Variants in HMCN1 observed in about 807,000 individuals in gnomAD.
HMCN1 encodes hemicentin 1, also known as hemicentin-1.
In HMCN1, 321 loss-of-function variants were observed where a neutral mutation model predicts 625.9. The ratio of observed to expected loss-of-function variants is 0.51; its 90% CI spans 0.47 to 0.56. The LOEUF is 0.56. Among genes scored for constraint, HMCN1 ranks in the 20% least tolerant of loss-of-function variants. HMCN1 has a pLI of 0.00. For synonymous variants in HMCN1, 2,425 were observed against 2,417.6 expected (o/e 1.00, Z -0.09); for missense variants, 6,588 against 6,887.3 (o/e 0.96, Z 1.54).
rs540983358 is a variant in HMCN1, at chr1:185,897,214, C to T, written c.622-12123C>T. On this transcript the variant is annotated intron_variant, in intron 4 of 106. Transcript: ENST00000271588. ...TTCTTTACTACTTTTCTTTATTTTA[C>T]ACCTATTCTAACTGCCACATTATTG... 3.5e-3 allele frequency among the ~76,000 whole-genome samples: 540 copies of T among 152,220 alleles called. 8 individuals carry two copies. In the South Asian group the frequency reaches 0.043, roughly 12 times the overall value.
At chr1:186,141,070 G>C (rs938418804) in intron 89 of HMCN1, among the ~76,000 whole-genome samples, 2 of 152,144 alleles carry the variant, frequency 1.3e-5, no homozygotes, top group Non-Finnish European at 2.9e-5. Flanking sequence ...GGGGGACAGT[G>C]ACAGATCATC....
chr1:185,842,341 T>C (rs1661525309), intron 1 of HMCN1, among the ~76,000 whole-genome samples: 3 of 152,066 alleles, frequency 2.0e-5, no homozygotes, highest in Admixed American at 1.3e-4. Flanking sequence ...GGATATTCAG[T>C]CTATTAAAAA....
intron 36 of HMCN1, among the ~76,000 whole-genome samples, chr1:186,023,378 C>T (rs1231662510): frequency 6.6e-6 from 1 of 150,846 alleles, no homozygotes; most frequent in Non-Finnish European, 1.5e-5. Context: ...TACTGGAGCT[C>T]ATAATTAAAT....
intron 1 of HMCN1, among the ~76,000 whole-genome samples, chr1:185,816,904 G>C (rs1227026777): frequency 6.6e-6 from 1 of 152,194 alleles, no homozygotes; most frequent in African/African-American, 2.4e-5. Context: ...CTTCTTTTTG[G>C]TCTATTGCTT....
chr1:185,836,156 GCT>G (rs780364657), intron 1 of HMCN1, among the ~76,000 whole-genome samples: 19 of 152,050 alleles, frequency 1.2e-4, no homozygotes, highest in Non-Finnish European at 2.5e-4. Context: ...ATATTTCTGT[GCT>G]CTTTTTCCAG....
intron 54 of HMCN1, 22 bp downstream of exon 54, chr1:186,076,644 G>A (rs747266551): frequency 2.5e-6 from 4 of 1,604,314 alleles, no homozygotes; most frequent in Middle Eastern, 1.6e-4. Context: ...TACCAACAGG[G>A]TGAAAAGCTG....
chr1:186,043,377 C>A (rs1656338207), intron 40 of HMCN1, among the ~76,000 whole-genome samples: 1 of 152,080 alleles, frequency 6.6e-6, no homozygotes, highest in South Asian at 2.1e-4. Flanking sequence ...ATATCCTTGG[C>A]TATAATTAGA....
chr1:185,997,627 T>G (rs911526951), intron 25 of HMCN1, 103 bp downstream of exon 25: 39 of 809,482 alleles, frequency 4.8e-5, no homozygotes, highest in Non-Finnish European at 7.3e-5. Flanking sequence ...ACATCAATCC[T>G]TGGTAGAACA....
At chr1:185,873,309 C>CCA (rs1396783228) in intron 4 of HMCN1, among the ~76,000 whole-genome samples, 1 of 152,106 alleles carries the variant, frequency 6.6e-6, no homozygotes, top group Non-Finnish European at 1.5e-5. Flanking sequence ...CATTAAAAAT[C>CCA]CACACTGTCT....
At chr1:185,989,758 T>C (rs910169898) in intron 21 of HMCN1, 111 bp downstream of exon 21, 1 of 838,692 alleles carries the variant, frequency 1.2e-6, no homozygotes. Context: ...AGTGAACTGC[T>C]CCCCCAGATT....
intron 13 of HMCN1, among the ~76,000 whole-genome samples, chr1:185,965,588 A>T (rs1650347992): frequency 6.6e-6 from 1 of 151,724 alleles, no homozygotes; most frequent in Non-Finnish European, 1.5e-5. Flanking sequence ...TTTAGTCATT[A>T]TTTTTTTCCT....
chr1:185,865,675 C>G, intron 3 of HMCN1, 66 bp from the exon 4 acceptor site: 1 of 1,355,836 alleles, frequency 7.4e-7, no homozygotes. Context: ...AATAGGTAGT[C>G]AATACACATA....
intron 10 of HMCN1, 23 bp from the exon 11 acceptor site, chr1:185,933,526 T>C (rs1667656859): frequency 6.2e-7 from 1 of 1,613,598 alleles, no homozygotes; most frequent in Non-Finnish European, 8.5e-7. Context: ...GTCTCTTGAT[T>C]TGAATTTTTT....
Position 186,007,216 on chromosome 1 carries a change from C to A in HMCN1, c.4564C>A (p.Arg1522Ser), listed in dbSNP as rs143641249. 1 of 1,613,200 alleles carries A rather than the reference C, an allele frequency of 6.2e-7. No individual in the cohort carries two copies. The highest frequency in any genetic ancestry group is 8.5e-7 in the Non-Finnish European group (1 of 1,179,346). ...GAATGCACGGAGAAATGACAAGGGG[C>A]GCTACCAATGTACTGTGTCTAATGC... ...LKNARRNDKG[R>S]YQCTVSNAAG... Residue 1522 changes from arginine (R) to serine (S), a missense_variant, in exon 30 of 107, where the codon CGC becomes AGC. Arg to Ser is a moderately radical substitution (Grantham distance 110). This residue lies in a region of HMCN1 where 4,628 missense variants were observed against 4,853.1 expected (regional missense o/e 0.95). Transcript: ENST00000271588.
intron 2 of HMCN1, among the ~76,000 whole-genome samples, chr1:185,850,738 G>A (rs565869467): frequency 2.2e-4 from 33 of 151,768 alleles, no homozygotes; most frequent in African/African-American, 7.5e-4. Flanking sequence ...TTTCTCTGTA[G>A]GTTTCCCCTG....
At chr1:185,942,190 CAAA>C (rs541622782) in intron 11 of HMCN1, among the ~76,000 whole-genome samples, 1 of 53,096 alleles carries the variant, frequency 1.9e-5, no homozygotes, top group Non-Finnish European at 4.1e-5. Context: ...GACTCCATCT[CAAA>C]AAAAAAAAAA....
At chr1:185,862,288 G>A (rs964349176) in intron 2 of HMCN1, among the ~76,000 whole-genome samples, 4 of 151,976 alleles carry the variant, frequency 2.6e-5, no homozygotes, top group African/African-American at 7.3e-5. Context: ...TTAAGTGGAA[G>A]GAAAAGCAGA....
chr1:186,106,216 A>G (rs1053154257), intron 69 of HMCN1, among the ~76,000 whole-genome samples: 1 of 152,288 alleles, frequency 6.6e-6, no homozygotes, highest in African/African-American at 2.4e-5. Context: ...TTTCCAGAGT[A>G]CCCTCTACAT....
In HMCN1 at chr1:186,117,062, C is replaced by T. The variant is rs1661167788; in HGVS notation, c.11630C>T (p.Thr3877Ile). The stretch of plus-strand genomic sequence containing the variant: ...GATGACACTGCAACCTATGAATGTA[C>T]TGTGACAAACGGTGCTGGAGATGAT... ...SVDDTATYEC[T>I]VTNGAGDDKR... is the part of the protein sequence containing the mutation. Residue 3877 changes from threonine to isoleucine, a missense_variant, in exon 76 of 107, where the codon ACT becomes ATT. Physicochemically the swap from Thr to Ile is moderately conservative, Grantham distance 89 (BLOSUM62 -1). Transcript: ENST00000271588. 1 of 1,613,500 alleles carries T rather than the reference C, an allele frequency of 6.2e-7. No individual in the cohort carries two copies. The highest frequency in any genetic ancestry group is 2.2e-5 in the East Asian group (1 of 44,848).
Sources: gnomAD v4.1 joint callset for allele counts (sites outside exome capture counted in the v4.1 genomes callset) on GRCh38, gnomAD v4.1.1 for gene constraint, gnomAD v4.1.1 regional missense constraint, MANE v1.5 for transcripts, NCBI Gene and HGNC (gene_info 2026-07-23, HGNC 2026-07-21) for gene names.